DOCK4: variants seen among roughly 807,000 people sequenced by gnomAD.
The protein encoded by DOCK4 is dedicator of cytokinesis protein 4.
A neutral mutation model predicts 268.1 loss-of-function variants in DOCK4; 97 were observed. The ratio of observed to expected loss-of-function variants is 0.36; its 90% CI spans 0.31 to 0.43. DOCK4 has a LOEUF of 0.43. DOCK4 is among the 20% of genes least tolerant of loss of function. The pLI, the probability that DOCK4 is intolerant of heterozygous loss-of-function variation, is 1.00. For missense variants in DOCK4, 2,145 were observed against 2,455.7 expected, an observed-to-expected ratio of 0.87 and a Z score of 2.67; for synonymous variants, 954 against 887.2, an observed-to-expected ratio of 1.08 and a Z score of -1.34.
chr7:111,758,157 AC>A (rs1797159239), intron 41 of DOCK4, among the ~76,000 whole-genome samples: 1 of 152,104 alleles, frequency 6.6e-6, no homozygotes, highest in Non-Finnish European at 1.5e-5. Context: ...AACTTACCCA[AC>A]GTACCAGCAG....
intron 42 of DOCK4, among the ~76,000 whole-genome samples, chr7:111,751,939 C>CTGTT (rs1483882640): frequency 2.0e-5 from 3 of 151,728 alleles, no homozygotes; most frequent in Non-Finnish European, 4.4e-5. Flanking sequence ...TTTAAATTTT[C>CTGTT]TGTTTAGACG....
chr7:111,935,097 C>T (rs1794621231), intron 12 of DOCK4, among the ~76,000 whole-genome samples: 1 of 152,012 alleles, frequency 6.6e-6, no homozygotes, highest in African/African-American at 2.4e-5. Flanking sequence ...CAGGCACCTG[C>T]CACCATGCCC....
chr7:112,180,389 C>G (rs1818918572), intron 1 of DOCK4, among the ~76,000 whole-genome samples: 1 of 152,184 alleles, frequency 6.6e-6, no homozygotes, highest in Non-Finnish European at 1.5e-5. Context: ...ACAACTTTTA[C>G]CCCGACAGGT....
chr7:111,870,667 G>C (rs1353961242), intron 20 of DOCK4, among the ~76,000 whole-genome samples: 2 of 152,058 alleles, frequency 1.3e-5, no homozygotes, highest in Non-Finnish European at 2.9e-5. Flanking sequence ...TGTTTCTCTG[G>C]GTCAGGGGAG....
At position 111,741,222 on chromosome 7, in the gene DOCK4, A is replaced by AG. The variant is rs1173942476; in HGVS notation, c.4920-9dup. 8 of 1,613,066 alleles carry AG rather than the reference A, an allele frequency of 5.0e-6. No homozygotes were observed. The highest frequency in any genetic ancestry group is 1.1e-5 in the South Asian group (1 of 90,890). ...GCTGGGTAACTTAACGGGCTGTTTC[A>AG]GGGGGAAAAAAAAGGTCATTAACTC... On this transcript the variant is annotated splice_polypyrimidine_tract_variant and intron_variant, in intron 46 of 52. Transcript: ENST00000428084.
chr7:111,744,892 T>G (rs1360783897), intron 44 of DOCK4, among the ~76,000 whole-genome samples: 1 of 152,192 alleles, frequency 6.6e-6, no homozygotes, highest in African/African-American at 2.4e-5. Flanking sequence ...CTACAGAGCA[T>G]AAAAGATGGA....
intron 42 of DOCK4, among the ~76,000 whole-genome samples, chr7:111,751,999 T>TG (rs769291338): frequency 2.6e-5 from 4 of 152,200 alleles, no homozygotes; most frequent in Non-Finnish European, 5.9e-5. Context: ...ATAAAAGACT[T>TG]GGTAAAGTGT....
chr7:112,172,450 T>C (rs1328265657), intron 1 of DOCK4, among the ~76,000 whole-genome samples: 1 of 152,208 alleles, frequency 6.6e-6, no homozygotes, highest in Non-Finnish European at 1.5e-5. Flanking sequence ...AAGTGAACTA[T>C]TAGAAAATAT....
intron 27 of DOCK4, among the ~76,000 whole-genome samples, chr7:111,816,211 C>A (rs1185066382): frequency 6.6e-6 from 1 of 152,150 alleles, no homozygotes; most frequent in African/African-American, 2.4e-5. Context: ...TCTGCTCATA[C>A]ACAAGCCCGT....
chr7:112,170,070 A>G (rs1817949615), intron 1 of DOCK4, among the ~76,000 whole-genome samples: 1 of 151,742 alleles, frequency 6.6e-6, no homozygotes, highest in Admixed American at 6.6e-5. Context: ...AAGAGGAAAG[A>G]GGCTGCAAAA....
chr7:111,754,139 CATA>C (rs1173905565), intron 42 of DOCK4, among the ~76,000 whole-genome samples: 5 of 151,894 alleles, frequency 3.3e-5, no homozygotes, highest in Non-Finnish European at 7.4e-5. Flanking sequence ...CAGCGGGAAG[CATA>C]ATAAGACTTT....
Position 112,085,878 on chromosome 7 carries a change from CA to C in DOCK4, c.38-81748del, listed in dbSNP as rs1361343952. On this transcript the variant is annotated intron_variant, in intron 1 of 52. Coordinates refer to ENST00000428084, the MANE Select transcript of DOCK4 (RefSeq NM_001363540.2). ...AAAAGACACAGCCCCAGCTATGAGACATTTTTGCCAAAAAAAGCAAATAAAC... is the reference window on the plus strand; with the variant it reads ...AAAAGACACAGCCCCAGCTATGAGACTTTTTGCCAAAAAAAGCAAATAAAC... 2.0e-5 allele frequency among the ~76,000 whole-genome samples: 3 copies of C among 152,072 alleles called. 1 individual carries two copies. Among genetic ancestry groups the C allele is most frequent in the African/African-American group, 7.2e-5 (3 of 41,416 alleles).
chr7:112,024,445 G>A (rs1267539451), intron 1 of DOCK4, among the ~76,000 whole-genome samples: 1 of 152,132 alleles, frequency 6.6e-6, no homozygotes, highest in East Asian at 1.9e-4. Flanking sequence ...TTCCATCCCA[G>A]TAAATGGCCA....
intron 9 of DOCK4, 112 bp from the exon 10 acceptor site, chr7:111,944,983 TGGAA>T: frequency 1.2e-6 from 1 of 836,556 alleles, no homozygotes. Flanking sequence ...ACATTCTTAA[TGGAA>T]TGTTTGTAGC....
intron 1 of DOCK4, among the ~76,000 whole-genome samples, chr7:112,010,315 A>G (rs1030805662): frequency 6.6e-6 from 1 of 152,196 alleles, no homozygotes; most frequent in Non-Finnish European, 1.5e-5. Context: ...GGCTGGAGGA[A>G]AGACAGAAGT....
At chr7:111,738,921 G>A (rs1039981416) in intron 49 of DOCK4, among the ~76,000 whole-genome samples, 2 of 151,658 alleles carry the variant, frequency 1.3e-5, no homozygotes, top group Admixed American at 1.3e-4. Flanking sequence ...CTGGGTGACA[G>A]CGAGATCCTG....
At chr7:112,076,963 TG>T (rs61389371) in intron 1 of DOCK4, among the ~76,000 whole-genome samples, 33,694 of 151,968 alleles carry the variant, frequency 0.22, 7,113 homozygotes, top group African/African-American at 0.54. Flanking sequence ...GCAAGAGACT[TG>T]TTACATATAA....
intron 1 of DOCK4, among the ~76,000 whole-genome samples, chr7:112,135,501 A>C (rs545391807): frequency 1.2e-4 from 19 of 152,310 alleles, no homozygotes; most frequent in African/African-American, 4.3e-4. Context: ...CTTATTTATT[A>C]AATTTTATTC....
At chr7:111,828,193 G>C (rs564686321) in intron 26 of DOCK4, among the ~76,000 whole-genome samples, 1 of 152,234 alleles carries the variant, frequency 6.6e-6, no homozygotes, top group East Asian at 1.9e-4. Context: ...ATAATATTAT[G>C]TTCTAGAGAA....
Sources: allele counts gnomAD v4.1 joint callset (sites outside exome capture counted in the v4.1 genomes callset), GRCh38; gene constraint gnomAD v4.1.1; transcripts MANE v1.5; gene names NCBI Gene and HGNC (gene_info 2026-07-23, HGNC 2026-07-21).